GALNT16: variants seen among roughly 807,000 people sequenced by gnomAD.
The protein encoded by GALNT16 is polypeptide N-acetylgalactosaminyltransferase 16, also known as UDP-GalNAc:polypeptide N-acetylgalactosaminyltransferase-like protein 1.
Under a neutral mutation model 76.1 loss-of-function variants are expected in GALNT16, and 40 were observed. The observed-to-expected ratio is 0.53, with a 90% CI of 0.41 to 0.68. The LOEUF (loss-of-function observed/expected upper bound fraction) is 0.68, where lower values mean the gene tolerates loss of function less well. Ranked by LOEUF, GALNT16 falls within the 30% of genes least tolerant of loss-of-function variation. The pLI is 0.00. For synonymous variants in GALNT16, 276 were observed against 285.2 expected, an observed-to-expected ratio of 0.97 and a Z score of 0.32; for missense variants, 621 against 731.9, an observed-to-expected ratio of 0.85 and a Z score of 1.75.
the GALNT16 span, chr14:69,380,651 AAAGGGAAT>A: frequency 2.6e-6 from 4 of 1,536,410 alleles, no homozygotes; most frequent in Non-Finnish European, 3.6e-6. Context: ...CTGAGGAGAG[AAAGGGAAT>A]AAGCAAAGTC....
intron 1 of GALNT16, among the ~76,000 whole-genome samples, chr14:69,300,030 C>A (rs542079044): frequency 6.6e-6 from 1 of 152,204 alleles, no homozygotes; most frequent in African/African-American, 2.4e-5. Context: ...AGCCCATCAG[C>A]GGCTGCTTTT....
At chr14:69,316,800 G>A (rs1028799942) in intron 1 of GALNT16, among the ~76,000 whole-genome samples, 6 of 150,734 alleles carry the variant, frequency 4.0e-5, no homozygotes, top group Non-Finnish European at 5.9e-5. Flanking sequence ...TGAAGGTCAC[G>A]TGATGTATCA....
intron 1 of GALNT16, among the ~76,000 whole-genome samples, chr14:69,319,049 C>T (rs1314819358): frequency 6.6e-6 from 1 of 152,248 alleles, no homozygotes; most frequent in Non-Finnish European, 1.5e-5. Flanking sequence ...TCTGGCATGG[C>T]ACCACCTCAG....
At chr14:69,324,510 G>T (rs1387316190) in intron 2 of GALNT16, among the ~76,000 whole-genome samples, 182 bp from the exon 3 acceptor site, 1 of 152,162 alleles carries the variant, frequency 6.6e-6, no homozygotes, top group Admixed American at 6.5e-5. Context: ...GGTGGCATCG[G>T]GGTTCTGGGC....
chr14:69,371,324 G>C, the GALNT16 span, among the ~76,000 whole-genome samples: 163 of 152,146 alleles, frequency 1.1e-3, no homozygotes, highest in African/African-American at 3.8e-3. Flanking sequence ...TGCGATCTCA[G>C]CTCACTGCAA....
At chr14:69,374,527 T>C in the GALNT16 span, among the ~76,000 whole-genome samples, 3 of 152,166 alleles carry the variant, frequency 2.0e-5, no homozygotes, top group East Asian at 3.9e-4. Context: ...CAAAGTGTGG[T>C]TACCTGGAAG....
chr14:69,314,880 C>T (rs1458499592), intron 1 of GALNT16, among the ~76,000 whole-genome samples: 10 of 152,180 alleles, frequency 6.6e-5, no homozygotes, highest in Non-Finnish European at 1.2e-4. Context: ...TTTTTACTTG[C>T]AGTTTCATTG....
intron 1 of GALNT16, 132 bp downstream of exon 1, chr14:69,260,599 T>G: frequency 1.8e-6 from 1 of 563,318 alleles, no homozygotes; most frequent in Non-Finnish European, 2.5e-6. Context: ...TTGTATATGT[T>G]GGAGCATTCC....
chr14:69,282,970 T>A (rs1303327874), intron 1 of GALNT16, among the ~76,000 whole-genome samples: 1 of 152,116 alleles, frequency 6.6e-6, no homozygotes, highest in Non-Finnish European at 1.5e-5. Flanking sequence ...CTGGCCGAGA[T>A]GATTTTTTAT....
At chr14:69,361,610 T>C (rs1311950527), downstream of GALNT16, among the ~76,000 whole-genome samples, 1 of 152,188 alleles carries the variant, frequency 6.6e-6, no homozygotes, top group Non-Finnish European at 1.5e-5. Context: ...ACATCCCGTA[T>C]CCTTACATGG....
intron 1 of GALNT16, among the ~76,000 whole-genome samples, chr14:69,296,779 T>TA (rs1566869325): frequency 1.3e-3 from 188 of 143,146 alleles, no homozygotes; most frequent in East Asian, 2.4e-3. Context: ...GACAGATAGA[T>TA]GATAGAGATA....
chr14:69,356,801 C>T (rs34862239), downstream of GALNT16: 38,307 of 151,894 alleles, frequency 0.25, 5,281 homozygotes, highest in Middle Eastern at 0.39. Flanking sequence ...TCGTGATCCA[C>T]CCGCCTCGGC....
chr14:69,316,795 G>C (rs999475323), intron 1 of GALNT16, among the ~76,000 whole-genome samples: 1 of 150,128 alleles, frequency 6.7e-6, no homozygotes, highest in Admixed American at 6.6e-5. Flanking sequence ...GGCACTGAAG[G>C]TCACGTGATG....
the GALNT16 span, chr14:69,380,522 A>G: frequency 1.7e-5 from 12 of 720,704 alleles, no homozygotes; most frequent in Non-Finnish European, 2.4e-5. Flanking sequence ...CAACCCCCCC[A>G]GTGCTTCCAA....
chr14:69,380,895 T>A, the GALNT16 span, among the ~76,000 whole-genome samples: 1 of 152,256 alleles, frequency 6.6e-6, no homozygotes, highest in East Asian at 1.9e-4. Context: ...ATATGTTACA[T>A]ATCTACTTCT....
chr14:69,332,131 A>T (rs1451012932), intron 7 of GALNT16, among the ~76,000 whole-genome samples: 1 of 152,218 alleles, frequency 6.6e-6, no homozygotes, highest in East Asian at 1.9e-4. Flanking sequence ...CTCATTAGTA[A>T]TTTTTTGTAT....
intron 1 of GALNT16, among the ~76,000 whole-genome samples, chr14:69,294,101 G>T (rs1351533867): frequency 2.6e-5 from 4 of 151,968 alleles, no homozygotes; most frequent in African/African-American, 7.3e-5. Flanking sequence ...CGTTGGCCAG[G>T]ATGGTCTTGA....
At chr14:69,260,053 T>A, upstream of GALNT16, 1 of 447,540 alleles carries the variant, frequency 2.2e-6, no homozygotes, top group Non-Finnish European at 4.0e-6. Context: ...CACGAATGAA[T>A]GGGCGCCCGG....
the GALNT16 span, among the ~76,000 whole-genome samples, chr14:69,370,015 G>T: frequency 7.2e-5 from 11 of 152,162 alleles, no homozygotes; most frequent in Non-Finnish European, 1.6e-4. Flanking sequence ...GGTGGGAAAT[G>T]CCCCCTTTTC....
Sources: allele counts gnomAD v4.1 joint callset (sites outside exome capture counted in the v4.1 genomes callset), GRCh38; gene constraint gnomAD v4.1.1; transcripts MANE v1.5; gene names NCBI Gene and HGNC (gene_info 2026-07-23, HGNC 2026-07-21).